Variants in LRRIQ3 observed in about 807,000 individuals in gnomAD.
LRRIQ3 encodes leucine rich repeats and IQ motif containing 3.
A neutral mutation model predicts 59.3 loss-of-function variants in LRRIQ3; 75 were observed. The ratio of observed to expected loss-of-function variants is 1.26; its 90% CI spans 1.05 to 1.53. LRRIQ3 has a LOEUF of 1.53. Among genes scored for constraint, LRRIQ3 ranks in the 40% most tolerant of loss-of-function variants. The pLI is 0.00. For synonymous variants in LRRIQ3, 250 were observed against 231.3 expected, an observed-to-expected ratio of 1.08 and a Z score of -0.73; for missense variants, 831 against 710.0, an observed-to-expected ratio of 1.17 and a Z score of -1.94.
intron 4 of LRRIQ3, among the ~76,000 whole-genome samples, chr1:74,110,160 A>G (rs571543716): frequency 6.6e-6 from 1 of 151,844 alleles, no homozygotes; most frequent in Non-Finnish European, 1.5e-5. Flanking sequence ...ACAAGCTAAC[A>G]TCATACTCAA....
At chr1:74,073,611 A>AT (rs1491301998) in intron 6 of LRRIQ3, among the ~76,000 whole-genome samples, 1 of 32,236 alleles carries the variant, frequency 3.1e-5, no homozygotes, top group African/African-American at 6.4e-5. Context: ...TCCATTCTTT[A>AT]AAAAAAAAAA....
chr1:74,071,102 GGTT>G (rs1655015668), intron 6 of LRRIQ3, among the ~76,000 whole-genome samples: 1 of 149,186 alleles, frequency 6.7e-6, no homozygotes, highest in African/African-American at 2.5e-5. Flanking sequence ...TATATATATA[GGTT>G]GTTAGGTAAA....
At chr1:74,187,100 A>G (rs1267706817) in intron 1 of LRRIQ3, among the ~76,000 whole-genome samples, 1 of 152,158 alleles carries the variant, frequency 6.6e-6, no homozygotes, top group African/African-American at 2.4e-5. Flanking sequence ...TAGTATAACC[A>G]CTATGGAAAA....
At chr1:74,066,212 T>G (rs992518053) in intron 6 of LRRIQ3, among the ~76,000 whole-genome samples, 4 of 143,740 alleles carry the variant, frequency 2.8e-5, no homozygotes, top group Admixed American at 7.0e-5. Flanking sequence ...AAAGTAAAAA[T>G]GTACCCATAC....
rs773735913 is a variant in LRRIQ3 at position 74,183,572 on chromosome 1, A to G, written c.113T>C (p.Leu38Pro). Reference sequence around the variant, plus strand: ...CAAATTTTCCATAGACTTTAAATGAAGGCCATTGAACTTCACAAAAACAAA... The same window carrying G: ...CAAATTTTCCATAGACTTTAAATGAGGGCCATTGAACTTCACAAAAACAAA... The part of the protein sequence containing the change: ...KDFVFVKFNG[L>P]HLKSMENLQS... Residue 38 changes from leucine to proline, a missense_variant, in exon 2 of 8, where the codon CTT (leucine) becomes CCT (proline). Physicochemically the swap from Leu to Pro is moderately conservative, Grantham distance 98. Transcript: ENST00000354431. 15 of 1,612,014 alleles carry G rather than the reference A, an allele frequency of 9.3e-6. No individual in the cohort carries two copies. The highest frequency in any genetic ancestry group is 1.7e-5 in the Admixed American group (1 of 59,842).
chr1:74,159,222 G>A (rs1172608347), intron 3 of LRRIQ3, among the ~76,000 whole-genome samples: 5 of 151,958 alleles, frequency 3.3e-5, no homozygotes, highest in African/African-American at 9.7e-5. Context: ...TTTCCCTCAC[G>A]TGCAATCAGC....
chr1:74,036,578 T>C (rs1407890892), intron 7 of LRRIQ3, among the ~76,000 whole-genome samples: 2 of 152,212 alleles, frequency 1.3e-5, no homozygotes, highest in Non-Finnish European at 2.9e-5. Context: ...AACCCATTAA[T>C]GTACCCGAAA....
At chr1:74,098,292 CA>C (rs1415666836) in intron 5 of LRRIQ3, among the ~76,000 whole-genome samples, 1 of 152,036 alleles carries the variant, frequency 6.6e-6, no homozygotes. Context: ...ACCAAAAGAT[CA>C]AAAGAGACAA....
At chr1:74,053,075 G>A (rs998359198) in intron 6 of LRRIQ3, among the ~76,000 whole-genome samples, 9 of 149,688 alleles carry the variant, frequency 6.0e-5, no homozygotes, top group East Asian at 4.0e-4. Context: ...GATCTGTCCC[G>A]TGATATAGTC....
intron 6 of LRRIQ3, among the ~76,000 whole-genome samples, chr1:74,044,069 A>G (rs1248863418): frequency 6.6e-6 from 1 of 152,150 alleles, no homozygotes; most frequent in Non-Finnish European, 1.5e-5. Context: ...GATAGAATTA[A>G]TCATATTCCA....
chr1:74,186,642 T>C (rs189463630), intron 1 of LRRIQ3, among the ~76,000 whole-genome samples: 1 of 152,308 alleles, frequency 6.6e-6, no homozygotes, highest in Non-Finnish European at 1.5e-5. Context: ...TGAAAACTTC[T>C]TGTAAATAAG....
At chr1:74,134,751 AAC>A (rs1182278232) in intron 4 of LRRIQ3, among the ~76,000 whole-genome samples, 4 of 151,888 alleles carry the variant, frequency 2.6e-5, no homozygotes, top group Non-Finnish European at 5.9e-5. Context: ...AATAACAAAA[AAC>A]ACAGTAAAAA....
chr1:74,145,551 A>T (rs755626542), intron 4 of LRRIQ3, among the ~76,000 whole-genome samples: 27 of 152,150 alleles, frequency 1.8e-4, no homozygotes, highest in Non-Finnish European at 3.4e-4. Context: ...AGAAGGATTT[A>T]AAAAATTACT....
chr1:74,196,862 C>T (rs12401844), intron 1 of LRRIQ3, among the ~76,000 whole-genome samples: 478 of 152,292 alleles, frequency 3.1e-3, no homozygotes, highest in Admixed American at 6.5e-3. Context: ...TCTATCATTG[C>T]CTCATCCCCC....
chr1:74,030,042 A>G (rs1653650443), intron 7 of LRRIQ3, among the ~76,000 whole-genome samples: 1 of 152,088 alleles, frequency 6.6e-6, no homozygotes, highest in Admixed American at 6.6e-5. Flanking sequence ...AGAATAAAAT[A>G]CCTAGGGATC....
At chr1:74,028,270 A>T (rs1653580632) in intron 7 of LRRIQ3, among the ~76,000 whole-genome samples, 1 of 152,002 alleles carries the variant, frequency 6.6e-6, no homozygotes, top group African/African-American at 2.4e-5. Context: ...GAGGAGAAAA[A>T]GAGAGGGTGA....
At chr1:74,098,731 G>T (rs967840880) in intron 5 of LRRIQ3, among the ~76,000 whole-genome samples, 1 of 152,120 alleles carries the variant, frequency 6.6e-6, no homozygotes, top group Non-Finnish European at 1.5e-5. Context: ...AATCAAACTG[G>T]AACTCAGCAT....
At chr1:74,129,854 G>A (rs1185453760) in intron 4 of LRRIQ3, among the ~76,000 whole-genome samples, 1 of 151,864 alleles carries the variant, frequency 6.6e-6, no homozygotes, top group Non-Finnish European at 1.5e-5. Flanking sequence ...TTCTCTTCTG[G>A]CCCAGGGTAT....
chr1:74,116,429 C>T (rs1646777576), intron 4 of LRRIQ3, among the ~76,000 whole-genome samples: 1 of 151,866 alleles, frequency 6.6e-6, no homozygotes, highest in Admixed American at 6.6e-5. Flanking sequence ...AGATATAAGG[C>T]TCACCCCCAC....
Sources: gnomAD v4.1 joint callset for allele counts (sites outside exome capture counted in the v4.1 genomes callset) on GRCh38, gnomAD v4.1.1 for gene constraint, MANE v1.5 for transcripts, NCBI Gene and HGNC (gene_info 2026-07-23, HGNC 2026-07-21) for gene names.